The following STPG2 variants were observed in gnomAD, a reference collection of about 807,000 sequenced individuals.
STPG2 encodes the protein sperm tail PG-rich repeat containing 2, also known as sperm-tail PG-rich repeat-containing protein 2.
STPG2 carries 56 observed loss-of-function variants against 54.2 expected under a neutral mutation model. The ratio of observed to expected loss-of-function variants is 1.03; its 90% CI spans 0.83 to 1.29. The LOEUF (loss-of-function observed/expected upper bound fraction) is 1.29. Ranked by LOEUF, STPG2 falls within the 50% of genes most tolerant of loss-of-function variation. The pLI, the probability that STPG2 is intolerant of heterozygous loss-of-function variation, is 0.00. For synonymous variants in STPG2, 200 were observed against 181.8 expected, an observed-to-expected ratio of 1.10 and a Z score of -0.81; for missense variants, 596 against 544.9, an observed-to-expected ratio of 1.09 and a Z score of -0.93.
At chr4:97,827,614 C>T (rs1459747496) in intron 9 of STPG2, among the ~76,000 whole-genome samples, 1 of 152,146 alleles carries the variant, frequency 6.6e-6, no homozygotes, top group Non-Finnish European at 1.5e-5. Flanking sequence ...CACCTGATTT[C>T]TCCAAAATTG....
chr4:97,650,556 C>A (rs1399310947), intron 10 of STPG2, among the ~76,000 whole-genome samples: 1 of 152,052 alleles, frequency 6.6e-6, no homozygotes, highest in East Asian at 1.9e-4. Context: ...TCGAGTTTGT[C>A]TAAAGACCTG....
chr4:97,818,891 C>T (rs2149102920), intron 9 of STPG2, among the ~76,000 whole-genome samples: 1 of 149,412 alleles, frequency 6.7e-6, no homozygotes, highest in Middle Eastern at 3.5e-3. Flanking sequence ...TATAATCATT[C>T]TCAAATTATG....
At chr4:97,573,033 C>T (rs918853415) in intron 10 of STPG2, among the ~76,000 whole-genome samples, 1 of 151,968 alleles carries the variant, frequency 6.6e-6, no homozygotes, top group Non-Finnish European at 1.5e-5. Context: ...AGACAGAAGC[C>T]TAGTTTGTTA....
At chr4:98,014,923 A>G (rs1560636079) in intron 5 of STPG2, among the ~76,000 whole-genome samples, 1 of 152,158 alleles carries the variant, frequency 6.6e-6, no homozygotes, top group Non-Finnish European at 1.5e-5. Flanking sequence ...TTTAAAATAT[A>G]TCATCCCACT....
intron 9 of STPG2, among the ~76,000 whole-genome samples, chr4:97,735,028 G>T (rs1273815599): frequency 2.7e-5 from 4 of 150,742 alleles, no homozygotes; most frequent in Admixed American, 6.6e-5. Context: ...AGTTGAGATG[G>T]CGTCACTGCA....
chr4:97,899,235 G>T (rs1380828002), intron 8 of STPG2, among the ~76,000 whole-genome samples: 3 of 151,700 alleles, frequency 2.0e-5, no homozygotes, highest in Non-Finnish European at 1.5e-5. Flanking sequence ...GCCACAAAAA[G>T]AATAAAATAA....
At chr4:98,078,909 A>G (rs527440502) in intron 5 of STPG2, among the ~76,000 whole-genome samples, 94 of 152,262 alleles carry the variant, frequency 6.2e-4, no homozygotes, top group African/African-American at 2.2e-3. Flanking sequence ...TCTATTAGAT[A>G]ATGGAAGGAA....
intron 1 of STPG2, among the ~76,000 whole-genome samples, chr4:98,135,709 G>A (rs1158089160): frequency 1.3e-5 from 2 of 151,618 alleles, no homozygotes; most frequent in African/African-American, 2.4e-5. Flanking sequence ...GAGGAAAGAA[G>A]GCAGACTGAC....
chr4:98,062,594 T>C (rs1737697414), intron 5 of STPG2, among the ~76,000 whole-genome samples: 1 of 152,182 alleles, frequency 6.6e-6, no homozygotes, highest in Admixed American at 6.5e-5. Context: ...TACAAGATTA[T>C]TTGGGAGATA....
chr4:98,091,726 G>C (rs1478433144), intron 5 of STPG2, among the ~76,000 whole-genome samples: 1 of 151,748 alleles, frequency 6.6e-6, no homozygotes, highest in Non-Finnish European at 1.5e-5. Flanking sequence ...ATCATTTACT[G>C]AATATTAACA....
At chr4:97,848,755 G>A (rs971797492) in intron 8 of STPG2, among the ~76,000 whole-genome samples, 2 of 151,392 alleles carry the variant, frequency 1.3e-5, no homozygotes, top group African/African-American at 4.9e-5. Context: ...ATTAAATAGG[G>A]AATCCTTTCC....
At chr4:97,727,316 A>G (rs1371005557) in intron 9 of STPG2, among the ~76,000 whole-genome samples, 2 of 151,918 alleles carry the variant, frequency 1.3e-5, no homozygotes, top group Admixed American at 1.3e-4. Context: ...CCATCTAGAA[A>G]TTAAAATAAA....
intron 5 of STPG2, among the ~76,000 whole-genome samples, chr4:98,014,104 T>C (rs538975037): frequency 6.6e-6 from 1 of 152,290 alleles, no homozygotes; most frequent in African/African-American, 2.4e-5. Context: ...CTTGTGGGCA[T>C]TTAGTGCTAT....
intron 10 of STPG2, among the ~76,000 whole-genome samples, chr4:97,636,964 A>G (rs577416792): frequency 4.1e-4 from 62 of 152,320 alleles, no homozygotes; most frequent in Non-Finnish European, 6.9e-4. Flanking sequence ...TCAATAGAAA[A>G]AGAGGGAATC....
intron 8 of STPG2, among the ~76,000 whole-genome samples, chr4:97,909,675 C>G (rs1257130727): frequency 6.6e-6 from 1 of 151,982 alleles, no homozygotes; most frequent in Non-Finnish European, 1.5e-5. Flanking sequence ...ATATAATTTA[C>G]TTGATAAGAG....
rs754330859 is a variant in STPG2, at chr4:98,109,218, C to A, written c.475G>T (p.Gly159Cys). 1.2e-6 allele frequency: 2 copies of A among 1,609,710 alleles called. No individual in the cohort carries two copies. The highest frequency in any genetic ancestry group is 1.7e-6 in the Non-Finnish European group (2 of 1,177,420). Residue 159 changes from glycine (G) to cysteine (C), a missense_variant, in exon 4 of 11, where the codon GGT becomes TGT. Transcript: ENST00000295268. ...TGGACTATATCATACTGTCCTGGACCAGGACCTGACTTTTTAGGTAACTCT... is the reference window on the plus strand; with the variant it reads ...TGGACTATATCATACTGTCCTGGACAAGGACCTGACTTTTTAGGTAACTCT... ...RQELPKKSGP[G>C]PGQYDIVQKK...
chr4:97,599,828 A>G (rs1733409687), intron 10 of STPG2, among the ~76,000 whole-genome samples: 1 of 150,356 alleles, frequency 6.7e-6, no homozygotes, highest in African/African-American at 2.5e-5. Flanking sequence ...TGTCTCAAAA[A>G]AAAAAAAAAG....
intron 9 of STPG2, among the ~76,000 whole-genome samples, chr4:97,737,839 C>T (rs1725066532): frequency 6.6e-6 from 1 of 152,130 alleles, no homozygotes; most frequent in Non-Finnish European, 1.5e-5. Context: ...GGCCAACATT[C>T]AGATTCAGGA....
In STPG2 at chr4:98,021,347, C is replaced by G. The variant is rs1442148051; in HGVS notation, c.613-40029G>C. Among the ~76,000 whole-genome samples the G allele has an allele frequency of 4.3e-5, 6 of 139,298 alleles. 1 individual carries two copies. Among genetic ancestry groups the G allele is most frequent in the East Asian group, 2.0e-4 (1 of 4,942 alleles). 91.4% of individuals were successfully genotyped at this position (139,298 alleles called of 152,430 possible). ...AGCGGTTTTGAGTGAGTTTCTTAATCCTGAGTTCTAGTTTGATTGCACTGT... is the reference window on the plus strand; with the variant it reads ...AGCGGTTTTGAGTGAGTTTCTTAATGCTGAGTTCTAGTTTGATTGCACTGT... On this transcript the variant is annotated intron_variant, in intron 5 of 10. Coordinates refer to ENST00000295268, the MANE Select transcript of STPG2 (RefSeq NM_174952.3).
Sources: gnomAD v4.1 joint callset for allele counts (sites outside exome capture counted in the v4.1 genomes callset) on GRCh38, gnomAD v4.1.1 for gene constraint, MANE v1.5 for transcripts, NCBI Gene and HGNC (gene_info 2026-07-23, HGNC 2026-07-21) for gene names.